DMC1: variants seen among roughly 807,000 people sequenced by gnomAD.
DMC1 encodes the protein meiotic recombination protein DMC1 homolog.
Under a neutral mutation model 50.1 loss-of-function variants are expected in DMC1, and 27 were observed. The observed-to-expected ratio is 0.54, with a 90% CI of 0.40 to 0.74. DMC1 has a LOEUF of 0.74. Among genes scored for constraint, DMC1 ranks in the 30% least tolerant of loss-of-function variants. The pLI is 0.00. For synonymous variants in DMC1, 148 were observed against 136.1 expected (o/e 1.09, Z -0.61); for missense variants, 295 against 420.2 (o/e 0.70, Z 2.60).
At chr22:38,563,763 G>A (rs545723982) in intron 4 of DMC1, among the ~76,000 whole-genome samples, 18 of 151,384 alleles carry the variant, frequency 1.2e-4, no homozygotes, top group Admixed American at 7.2e-4. Flanking sequence ...GCAGTGGCGC[G>A]ATCTCAGCTC....
chr22:38,511,713 C>T, the DMC1 span, among the ~76,000 whole-genome samples: 3 of 152,220 alleles, frequency 2.0e-5, no homozygotes, highest in East Asian at 5.8e-4. Context: ...GCGATCCTCA[C>T]GCCTCAGCTG....
At chr22:38,510,001 C>G in the DMC1 span, among the ~76,000 whole-genome samples, 1 of 152,012 alleles carries the variant, frequency 6.6e-6, no homozygotes, top group African/African-American at 2.4e-5. Flanking sequence ...ATAAATAGGC[C>G]GGGCCTAATA....
intron 5 of DMC1, among the ~76,000 whole-genome samples, chr22:38,560,896 A>G (rs2145994164): frequency 6.6e-6 from 1 of 152,246 alleles, no homozygotes; most frequent in African/African-American, 2.4e-5. Context: ...GCAACATATC[A>G]TTTCATTATA....
At position 38,539,022 on chromosome 22, in the gene DMC1, C is replaced by T. The variant is rs552526064; in HGVS notation, c.586+299G>A. The stretch of plus-strand genomic sequence containing the variant: ...CTGCACTCCAGCCTGAGTGACAGAG[C>T]GAGACTCCATCTCAAAAAAAAAAAA... On this transcript the variant is annotated intron_variant, in intron 9 of 13. Coordinates refer to ENST00000216024, the MANE Select transcript of DMC1 (RefSeq NM_007068.4). Among the ~76,000 whole-genome samples the T allele has an allele frequency of 1.3e-4, 19 of 149,548 alleles. No individual in the cohort carries two copies. In the East Asian group the frequency reaches 2.5e-3, roughly 20 times the overall value.
chr22:38,555,648 C>T (rs2090461714), intron 5 of DMC1, among the ~76,000 whole-genome samples: 1 of 151,910 alleles, frequency 6.6e-6, no homozygotes, highest in South Asian at 2.1e-4. Context: ...ATGATAAGCC[C>T]TATCGTTCTT....
Position 38,552,657 on chromosome 22 carries a change from T to G in DMC1, c.421+9A>C, listed in dbSNP as rs756338749. On this transcript the variant is annotated intron_variant, in intron 7 of 13. Transcript: ENST00000216024. ...GATTATTATTGTTATTGTTGTTATA[T>G]ATCCTTACCACAGAGGGTATGAGAA... 17 of 1,560,280 alleles carry G rather than the reference T, an allele frequency of 1.1e-5. No individual in the cohort carries two copies. In the Admixed American group the frequency reaches 2.8e-4, roughly 26 times the overall value.
chr22:38,528,802 A>C (rs1286325419), intron 12 of DMC1, among the ~76,000 whole-genome samples: 1 of 152,082 alleles, frequency 6.6e-6, no homozygotes, highest in East Asian at 1.9e-4. Flanking sequence ...CTAAACTAAA[A>C]TAATACATAG....
chr22:38,552,345 G>T (rs1181551130), intron 7 of DMC1, among the ~76,000 whole-genome samples: 1 of 152,132 alleles, frequency 6.6e-6, no homozygotes. Flanking sequence ...AATAGATTTT[G>T]TGTCACTCTT....
Position 38,521,605 on chromosome 22 carries a change from T to C in DMC1, c.953+3A>G, listed in dbSNP as rs769385415. The C allele has an allele frequency of 4.4e-6, 7 of 1,578,916 alleles. No homozygotes were observed. The highest frequency in any genetic ancestry group is 1.7e-5 in the Admixed American group (1 of 59,554). ...CACACACACAAAATAAAAAAAAATT[T>C]ACCTGTCATAAATCTTGGCAATTCT... is the stretch of plus-strand genomic sequence containing the variant. On this transcript the variant is annotated splice_donor_region_variant and intron_variant, in intron 13 of 13. Transcript: ENST00000216024.
In DMC1 at chr22:38,538,566, A is replaced by G; in HGVS notation, c.633T>C (p.His211=). Residue 211 remains histidine, a synonymous_variant, in exon 10 of 14, where the codon CAT becomes CAC. Coordinates refer to ENST00000216024, the MANE Select transcript of DMC1 (RefSeq NM_007068.4). The stretch of plus-strand genomic sequence containing the variant: ...ATAGCTTGAAGATGCCAGCTTCTTC[A>G]TGGAACTTTGCTGCTACATAATCAA... ...ELLDYVAAKF[H]EEAGIFKLLI... 6.2e-7 allele frequency: 1 copy of G among 1,614,066 alleles called. No homozygotes were observed. Among genetic ancestry groups the G allele is most frequent in the South Asian group, 1.1e-5 (1 of 91,084 alleles).
intron 7 of DMC1, among the ~76,000 whole-genome samples, chr22:38,551,610 G>A (rs2145937305): frequency 6.6e-6 from 1 of 152,208 alleles, no homozygotes; most frequent in African/African-American, 2.4e-5. Flanking sequence ...GATTACAGGT[G>A]TGAGCCACCA....
intron 8 of DMC1, among the ~76,000 whole-genome samples, chr22:38,547,028 T>A (rs907349788): frequency 6.6e-6 from 1 of 152,232 alleles, no homozygotes; most frequent in African/African-American, 2.4e-5. Flanking sequence ...AAAATCTTTA[T>A]AGTTAAATCT....
At chr22:38,513,462 C>T in the DMC1 span, among the ~76,000 whole-genome samples, 1 of 152,238 alleles carries the variant, frequency 6.6e-6, no homozygotes, top group Non-Finnish European at 1.5e-5. Flanking sequence ...AAGCCAGGGT[C>T]AGTTGAAGGA....
intron 12 of DMC1, among the ~76,000 whole-genome samples, chr22:38,526,857 T>C (rs1038268376): frequency 4.6e-5 from 7 of 152,208 alleles, no homozygotes; most frequent in Non-Finnish European, 1.0e-4. Context: ...CAAATGTAGC[T>C]ACATTTTCGT....
In DMC1 at chr22:38,539,303, A is replaced by G. The variant is rs1437501901; in HGVS notation, c.586+18T>C. ...AACCTTACATTGACCCAAGCATCCA[A>G]CTGCATGGGGCTCTTACTAGTATAT... On this transcript the variant is annotated intron_variant, in intron 9 of 13. Transcript: ENST00000216024. 7 of 1,577,766 alleles carry G rather than the reference A, an allele frequency of 4.4e-6. No individual in the cohort carries two copies. The highest frequency in any genetic ancestry group is 6.1e-6 in the Non-Finnish European group (7 of 1,146,954).
downstream of DMC1, among the ~76,000 whole-genome samples, chr22:38,516,766 A>G (rs1946990): frequency 0.42 from 64,502 of 151,968 alleles, 14,224 homozygotes; most frequent in African/African-American, 0.55. Context: ...CTTTGTTGAC[A>G]TTTCTGAGGC....
At chr22:38,536,000 C>T (rs769334042) in intron 12 of DMC1, among the ~76,000 whole-genome samples, 2 of 151,160 alleles carry the variant, frequency 1.3e-5, no homozygotes, top group African/African-American at 4.9e-5. Flanking sequence ...GTGGGAGGAT[C>T]GCTTGAGGCC....
chr22:38,557,857 C>T lies in DMC1; in HGVS notation c.327-2448G>A, dbSNP rs189709641. ...AATAGTATTTGAACATTTAATGGTGCCTACAACTCACTATACTTCTAAATT... is the reference window on the plus strand; with the variant it reads ...AATAGTATTTGAACATTTAATGGTGTCTACAACTCACTATACTTCTAAATT... On this transcript the variant is annotated intron_variant, in intron 5 of 13. Coordinates refer to ENST00000216024, the MANE Select transcript of DMC1 (RefSeq NM_007068.4). Among the ~76,000 whole-genome samples, 150 of 151,286 alleles carry T rather than the reference C, an allele frequency of 9.9e-4. 4 individuals are homozygous for T. In the East Asian group the frequency reaches 0.027, roughly 27 times the overall value.
chr22:38,537,520 A>G, intron 12 of DMC1, 72 bp downstream of exon 12: 1 of 1,444,354 alleles, frequency 6.9e-7, no homozygotes, highest in Non-Finnish European at 9.7e-7. Flanking sequence ...CCTTGAAATT[A>G]TTTTCTATTC....
Sources: allele counts gnomAD v4.1 joint callset (sites outside exome capture counted in the v4.1 genomes callset), GRCh38; gene constraint gnomAD v4.1.1; transcripts MANE v1.5; gene names NCBI Gene and HGNC (gene_info 2026-07-23, HGNC 2026-07-21).